Variants in ARHGAP23 observed in about 807,000 individuals in gnomAD.
ARHGAP23 encodes Rho GTPase activating protein 23, also known as rho GTPase-activating protein 23.
In ARHGAP23, 34 loss-of-function variants were observed where a neutral mutation model predicts 136.3. That is an observed-to-expected ratio of 0.25 (90% CI 0.19 to 0.33). The LOEUF (loss-of-function observed/expected upper bound fraction) is 0.33. ARHGAP23 is among the 10% of genes least tolerant of loss of function. The pLI is 1.00. For synonymous variants in ARHGAP23, 832 were observed against 920.5 expected (o/e 0.90, Z 1.74); for missense variants, 1,808 against 2,139.0 (o/e 0.85, Z 3.05).
At chr17:38,444,857 G>T (rs928425953) in intron 1 of ARHGAP23, among the ~76,000 whole-genome samples, 1 of 150,812 alleles carries the variant, frequency 6.6e-6, no homozygotes, top group Admixed American at 6.6e-5. Flanking sequence ...TGCTCTTGCC[G>T]TCCAGGCTGG....
At chr17:38,485,843 T>C (rs1249338123) in intron 16 of ARHGAP23, among the ~76,000 whole-genome samples, 1 of 152,184 alleles carries the variant, frequency 6.6e-6, no homozygotes, top group Non-Finnish European at 1.5e-5. Context: ...GCCCACGCAC[T>C]GGCAGGAGCA....
chr17:38,460,754 G>C, intron 2 of ARHGAP23, 151 bp from the exon 3 acceptor site: 1 of 1,478,956 alleles, frequency 6.8e-7, no homozygotes, highest in East Asian at 2.5e-5. Context: ...GGTGCCCCTC[G>C]GACACCCCTC....
chr17:38,457,129 C>T (rs1218784088), intron 1 of ARHGAP23, among the ~76,000 whole-genome samples: 5 of 152,168 alleles, frequency 3.3e-5, no homozygotes, highest in African/African-American at 9.7e-5. Flanking sequence ...AGGCTGGTCT[C>T]GAACTCGCCT....
intron 15 of ARHGAP23, 104 bp downstream of exon 15, chr17:38,482,247 A>T: frequency 6.7e-7 from 1 of 1,499,428 alleles, no homozygotes; most frequent in South Asian, 1.3e-5. Flanking sequence ...CTCATTGTAC[A>T]AACACAGCTG....
At chr17:38,469,742 C>T (rs928174496) in intron 9 of ARHGAP23, 105 bp from the exon 10 acceptor site, 15 of 1,500,822 alleles carry the variant, frequency 1.0e-5, no homozygotes, top group Middle Eastern at 2.0e-4. Flanking sequence ...GGACAGTGTG[C>T]CTCCCCCGCT....
chr17:38,492,081 C>G (rs2040291260), intron 20 of ARHGAP23, among the ~76,000 whole-genome samples: 1 of 152,186 alleles, frequency 6.6e-6, no homozygotes, highest in Admixed American at 6.5e-5. Flanking sequence ...TTGGCATGTA[C>G]TGGGCTGGCC....
intron 1 of ARHGAP23, among the ~76,000 whole-genome samples, chr17:38,436,415 A>G (rs2038799323): frequency 6.6e-6 from 1 of 151,490 alleles, no homozygotes. Flanking sequence ...CGCTGAGGAG[A>G]GTGCCCCTCC....
At chr17:38,439,123 G>T (rs1451534781) in intron 1 of ARHGAP23, among the ~76,000 whole-genome samples, 2 of 151,748 alleles carry the variant, frequency 1.3e-5, no homozygotes, top group African/African-American at 4.8e-5. Context: ...GTTGCAGTGA[G>T]CCGAGATCGC....
chr17:38,490,299 C>A, intron 18 of ARHGAP23, 124 bp downstream of exon 18: 1 of 1,159,600 alleles, frequency 8.6e-7, no homozygotes, highest in Non-Finnish European at 1.3e-6. Flanking sequence ...CCGCTCCACT[C>A]AGGGCCTCAG....
chr17:38,466,625 C>A lies in ARHGAP23; in HGVS notation c.942C>A (p.Ser314Arg). ...RCPAMAPRAR[S>R]ASQDRLEEVA... The stretch of plus-strand genomic sequence containing the variant: ...CAGCCATGGCCCCCCGGGCCCGCAG[C>A]GCCTCCCAGGACCGGTTGGAGGAGG... Residue 314 changes from serine to arginine, a missense_variant, in exon 7 of 24, where the codon AGC (serine) becomes AGA (arginine). This residue lies in a region of ARHGAP23 where 859 missense variants were observed against 936.4 expected (regional missense o/e 0.92). Transcript: ENST00000622683. 1.3e-6 allele frequency: 2 copies of A among 1,516,854 alleles called. No homozygotes were observed. The highest frequency in any genetic ancestry group is 1.8e-6 in the Non-Finnish European group (2 of 1,137,210). The allele number at this position is 1,516,854 out of a possible 1,614,324, so 94.0% of individuals were successfully genotyped here.
chr17:38,431,320 G>GT, intron 1 of ARHGAP23, among the ~76,000 whole-genome samples: 1 of 152,318 alleles, frequency 6.6e-6, no homozygotes, highest in East Asian at 1.9e-4. Context: ...GTTCACTGGT[G>GT]TTTTCCTTCC....
At chr17:38,457,269 C>A in intron 1 of ARHGAP23, 1 of 152,890 alleles carries the variant, frequency 6.5e-6, no homozygotes, top group South Asian at 2.1e-4. Flanking sequence ...CCAGCCACCC[C>A]AAGCCTTTCT....
intron 7 of ARHGAP23, among the ~76,000 whole-genome samples, chr17:38,468,033 C>A (rs141805247): frequency 0.99 from 150,577 of 152,364 alleles, 74,437 homozygotes; most frequent in Middle Eastern, 1. Flanking sequence ...CTTGAGGAGA[C>A]GGGCTCAGAG....
chr17:38,476,491 C>T (rs1299338599), intron 11 of ARHGAP23, among the ~76,000 whole-genome samples: 1 of 152,088 alleles, frequency 6.6e-6, no homozygotes, highest in African/African-American at 2.4e-5. Context: ...AATCACATGG[C>T]CTGGCAAGTA....
chr17:38,450,314 G>A (rs2144566283), intron 1 of ARHGAP23: 1 of 152,380 alleles, frequency 6.6e-6, no homozygotes, highest in Non-Finnish European at 1.5e-5. Flanking sequence ...GATCTGGTAA[G>A]CGGTTAGAAC....
chr17:38,426,640 G>A (rs1420097989), upstream of ARHGAP23, among the ~76,000 whole-genome samples: 1 of 151,848 alleles, frequency 6.6e-6, no homozygotes, highest in African/African-American at 2.4e-5. Flanking sequence ...GCTAATTCTG[G>A]CTGCACATGA....
chr17:38,485,379 GT>G (rs1172961908), intron 16 of ARHGAP23, among the ~76,000 whole-genome samples: 1 of 152,208 alleles, frequency 6.6e-6, no homozygotes, highest in Non-Finnish European at 1.5e-5. Flanking sequence ...CAGGTTAACT[GT>G]CCTTGCTAGG....
intron 1 of ARHGAP23, among the ~76,000 whole-genome samples, chr17:38,453,362 C>A (rs1176377943): frequency 6.8e-6 from 1 of 147,784 alleles, no homozygotes; most frequent in Non-Finnish European, 1.5e-5. Context: ...GTGAGGGACA[C>A]CTGGAGCATG....
upstream of ARHGAP23, among the ~76,000 whole-genome samples, chr17:38,427,461 C>T (rs1488441876): frequency 3.4e-5 from 4 of 117,324 alleles, no homozygotes; most frequent in Non-Finnish European, 5.7e-5. Context: ...GAGACCCTGC[C>T]GAAAAAAAAA....
Sources: gnomAD v4.1 joint callset for allele counts (sites outside exome capture counted in the v4.1 genomes callset) on GRCh38, gnomAD v4.1.1 for gene constraint, gnomAD v4.1.1 regional missense constraint, MANE v1.5 for transcripts, NCBI Gene and HGNC (gene_info 2026-07-23, HGNC 2026-07-21) for gene names.